CADM1: variants seen among roughly 807,000 people sequenced by gnomAD.
CADM1 encodes cell adhesion molecule 1.
In CADM1, 15 loss-of-function variants were observed where a neutral mutation model predicts 53.1. The ratio of observed to expected loss-of-function variants is 0.28; its 90% CI spans 0.19 to 0.44. The LOEUF (loss-of-function observed/expected upper bound fraction) is 0.44. Among genes scored for constraint, CADM1 ranks in the 20% least tolerant of loss-of-function variants. CADM1 has a pLI of 1.00. For missense variants in CADM1, 434 were observed against 611.3 expected (o/e 0.71, Z 3.06); for synonymous variants, 281 against 243.0 (o/e 1.16, Z -1.45).
intron 1 of CADM1, among the ~76,000 whole-genome samples, chr11:115,468,402 G>A (rs988433057): frequency 9.2e-5 from 14 of 152,176 alleles, no homozygotes; most frequent in Non-Finnish European, 1.8e-4. Flanking sequence ...TAGAACAGGT[G>A]AGTTGTGAAA....
At chr11:115,464,475 T>C (rs1475387189) in intron 1 of CADM1, among the ~76,000 whole-genome samples, 2 of 152,130 alleles carry the variant, frequency 1.3e-5, no homozygotes, top group African/African-American at 4.8e-5. Context: ...CATTTCCCCA[T>C]TGATGAGGGA....
At chr11:115,412,663 T>C (rs1385559518) in intron 1 of CADM1, among the ~76,000 whole-genome samples, 1 of 152,178 alleles carries the variant, frequency 6.6e-6, no homozygotes, top group Non-Finnish European at 1.5e-5. Flanking sequence ...ACAGGAGGGC[T>C]GTGCCACTTT....
intron 3 of CADM1, among the ~76,000 whole-genome samples, chr11:115,236,607 G>A (rs1188075416): frequency 6.6e-6 from 1 of 152,142 alleles, no homozygotes; most frequent in Admixed American, 6.5e-5. Flanking sequence ...CAAGCACATG[G>A]TGTATTCGGA....
chr11:115,369,697 T>C lies in CADM1; in HGVS notation c.125-129277A>G, dbSNP rs180949303. Among the ~76,000 whole-genome samples the C allele has an allele frequency of 1.7e-3, 254 of 152,240 alleles. 1 individual carries two copies. The highest frequency in any genetic ancestry group is 5.1e-3 in the African/African-American group (210 of 41,564). On this transcript the variant is annotated intron_variant, in intron 1 of 11. Transcript: ENST00000331581. ...CTAATATTAACAACAGAAATAAAAT[T>C]CAACCACCTCACTCACATGAAATTT...
intron 1 of CADM1, among the ~76,000 whole-genome samples, chr11:115,351,271 A>G (rs967006105): frequency 6.6e-6 from 1 of 152,170 alleles, no homozygotes; most frequent in African/African-American, 2.4e-5. Flanking sequence ...TTCTTCTTCA[A>G]TATCTTTCTG....
chr11:115,340,645 TATATATA>T (rs1231467366), intron 1 of CADM1, among the ~76,000 whole-genome samples: 8 of 35,064 alleles, frequency 2.3e-4, no homozygotes, highest in Non-Finnish European at 3.2e-4. Flanking sequence ...TATATATATA[TATATATA>T]TATATATTTT....
chr11:115,205,556 T>C (rs530345361), intron 8 of CADM1, among the ~76,000 whole-genome samples: 2 of 152,294 alleles, frequency 1.3e-5, no homozygotes, highest in East Asian at 1.9e-4. Context: ...CCCGGGGTAA[T>C]GGCTGGCTGT....
At chr11:115,244,919 T>C (rs1408537185) in intron 1 of CADM1, among the ~76,000 whole-genome samples, 1 of 152,224 alleles carries the variant, frequency 6.6e-6, no homozygotes, top group Non-Finnish European at 1.5e-5. Flanking sequence ...AAAGCCTTTA[T>C]TACCAGTGCA....
At chr11:115,467,180 G>A (rs553704028) in intron 1 of CADM1, among the ~76,000 whole-genome samples, 7 of 152,178 alleles carry the variant, frequency 4.6e-5, no homozygotes, top group East Asian at 1.9e-4. Context: ...TGCACAAGAC[G>A]TCTGTAGTGG....
At chr11:115,421,908 T>A (rs967760322) in intron 1 of CADM1, among the ~76,000 whole-genome samples, 2 of 152,196 alleles carry the variant, frequency 1.3e-5, no homozygotes, top group African/African-American at 2.4e-5. Context: ...TTCGGTACGA[T>A]GATTACATAA....
chr11:115,457,785 G>C (rs1948710684), intron 1 of CADM1, among the ~76,000 whole-genome samples: 2 of 152,034 alleles, frequency 1.3e-5, no homozygotes, highest in Admixed American at 6.6e-5. Context: ...CAGAAAATTG[G>C]AGTTTAGAAT....
intron 1 of CADM1, among the ~76,000 whole-genome samples, chr11:115,343,146 T>C (rs1945491742): frequency 6.6e-6 from 1 of 152,188 alleles, no homozygotes; most frequent in Non-Finnish European, 1.5e-5. Context: ...CACTGAGTTC[T>C]CGTAGCAGCC....
At chr11:115,238,676 G>A in intron 2 of CADM1, 24 bp from the exon 3 acceptor site, 2 of 1,612,660 alleles carry the variant, frequency 1.2e-6, no homozygotes, top group Non-Finnish European at 1.7e-6. Context: ...CAGAGAGTTA[G>A]TGATTGTGAG....
At chr11:115,501,601 T>C (rs1013317691) in intron 1 of CADM1, among the ~76,000 whole-genome samples, 3 of 152,062 alleles carry the variant, frequency 2.0e-5, no homozygotes, top group African/African-American at 7.2e-5. Flanking sequence ...CATCCAAACA[T>C]CACAGGAGAA....
chr11:115,439,457 G>T (rs1244737470), intron 1 of CADM1, among the ~76,000 whole-genome samples: 2 of 152,118 alleles, frequency 1.3e-5, no homozygotes, highest in Non-Finnish European at 2.9e-5. Flanking sequence ...TCCTGCCCTT[G>T]TTGGCCCATG....
chr11:115,215,728 C>T (rs1378381485), intron 6 of CADM1, among the ~76,000 whole-genome samples: 1 of 152,214 alleles, frequency 6.6e-6, no homozygotes, highest in Admixed American at 6.5e-5. Context: ...CTTCAAGGCA[C>T]TTCCCTCAAC....
chr11:115,251,248 G>A (rs189721369), intron 1 of CADM1, among the ~76,000 whole-genome samples: 9 of 152,286 alleles, frequency 5.9e-5, no homozygotes, highest in Admixed American at 2.0e-4. Context: ...GACAGTCTAC[G>A]TGGCTGAAAT....
At chr11:115,283,228 G>A (rs1349206438) in intron 1 of CADM1, among the ~76,000 whole-genome samples, 5 of 152,272 alleles carry the variant, frequency 3.3e-5, no homozygotes, top group Middle Eastern at 3.4e-3. Context: ...TAGAGGCTAC[G>A]CAAAAAGAGG....
At chr11:115,245,681 T>C (rs1180223086) in intron 1 of CADM1, among the ~76,000 whole-genome samples, 1 of 152,136 alleles carries the variant, frequency 6.6e-6, no homozygotes, top group African/African-American at 2.4e-5. Flanking sequence ...AGGAAAAGAA[T>C]GAAAAAAATT....
Sources: gnomAD v4.1 joint callset for allele counts (sites outside exome capture counted in the v4.1 genomes callset) on GRCh38, gnomAD v4.1.1 for gene constraint, MANE v1.5 for transcripts, NCBI Gene and HGNC (gene_info 2026-07-23, HGNC 2026-07-21) for gene names.